The following POLK variants were observed in gnomAD, a reference collection of about 807,000 sequenced individuals.
POLK encodes the protein DNA polymerase kappa, also known as polymerase (DNA directed) kappa.
Under a neutral mutation model 94.0 loss-of-function variants are expected in POLK, and 76 were observed. The ratio of observed to expected loss-of-function variants is 0.81; its 90% CI spans 0.67 to 0.98. The LOEUF (loss-of-function observed/expected upper bound fraction) is 0.98, where lower values mean the gene tolerates loss of function less well. Among genes scored for constraint, POLK ranks in the 50% least tolerant of loss-of-function variants. POLK has a pLI of 0.00. For missense variants in POLK, 954 were observed against 1,010.1 expected (o/e 0.94, Z 0.75); for synonymous variants, 349 against 325.4 (o/e 1.07, Z -0.78).
chr5:75,542,737 G>A (rs111883231), intron 1 of POLK, among the ~76,000 whole-genome samples: 7 of 146,474 alleles, frequency 4.8e-5, no homozygotes, highest in Non-Finnish European at 7.5e-5. Context: ...TTACTCTGTC[G>A]CCCAGGCTGC....
chr5:75,546,016 G>C (rs1354155655), intron 1 of POLK, among the ~76,000 whole-genome samples: 1 of 152,126 alleles, frequency 6.6e-6, no homozygotes, highest in East Asian at 1.9e-4. Context: ...TTCTCTCCAA[G>C]AATATCATAA....
At chr5:75,511,144 G>A (rs559860588), upstream of POLK, 15 of 1,607,956 alleles carry the variant, frequency 9.3e-6, no homozygotes, top group Admixed American at 2.4e-4. Flanking sequence ...TCCACAGGCG[G>A]CCCAGACTCC....
At chr5:75,603,928 C>T (rs1315426391), downstream of POLK, among the ~76,000 whole-genome samples, 1 of 152,162 alleles carries the variant, frequency 6.6e-6, no homozygotes, top group African/African-American at 2.4e-5. Flanking sequence ...TTGCATGGCC[C>T]CCGATGTTGG....
rs151092208 is a variant in POLK, at chr5:75,543,320, A to T, written c.-13-3690A>T. The stretch of plus-strand genomic sequence containing the variant: ...CTCCCAAAGTGCTGGGATTGTAGGC[A>T]TGAGTCACTGCTCCCAGCTGTGCCT... On this transcript the variant is annotated intron_variant, in intron 1 of 14. Transcript: ENST00000241436. 1.4e-4 allele frequency among the ~76,000 whole-genome samples: 21 copies of T among 152,294 alleles called. No individual in the cohort carries two copies. The East Asian group carries it at 4.1e-3, about 29-fold the overall frequency.
At chr5:75,533,547 GGGT>G (rs758169043) in intron 1 of POLK, among the ~76,000 whole-genome samples, 4 of 152,122 alleles carry the variant, frequency 2.6e-5, no homozygotes, top group Non-Finnish European at 4.4e-5. Context: ...TTTTTGCTTA[GGGT>G]TACCTTGGCT....
chr5:75,546,664 TTTTG>T (rs1458462408), intron 1 of POLK, among the ~76,000 whole-genome samples: 1 of 123,058 alleles, frequency 8.1e-6, no homozygotes, highest in Non-Finnish European at 1.6e-5. Context: ...TTTTTCTGGT[TTTTG>T]TTTGTTTGTG....
chr5:75,524,916 C>G (rs1453270944), intron 1 of POLK, among the ~76,000 whole-genome samples: 1 of 152,242 alleles, frequency 6.6e-6, no homozygotes, highest in African/African-American at 2.4e-5. Context: ...TCACCTGACT[C>G]TCTGACTTGC....
intron 5 of POLK, among the ~76,000 whole-genome samples, chr5:75,574,162 A>AT (rs1771744562): frequency 6.6e-6 from 1 of 152,060 alleles, no homozygotes; most frequent in Admixed American, 6.6e-5. Context: ...AAATTTAGCT[A>AT]TTTTTTCTTA....
At chr5:75,578,113 A>G (rs146893851) in intron 6 of POLK, among the ~76,000 whole-genome samples, 8 of 152,242 alleles carry the variant, frequency 5.3e-5, no homozygotes, top group African/African-American at 1.9e-4. Context: ...TGTGTTTTAA[A>G]AGCTTTACAT....
At chr5:75,552,488 G>C in exon 3 of POLK, 1 of 1,611,102 alleles carries the variant, frequency 6.2e-7, no homozygotes, top group Non-Finnish European at 8.5e-7. Flanking sequence ...AGATTTTATG[G>C]AAATGAGCTC....
intron 3 of POLK, among the ~76,000 whole-genome samples, chr5:75,563,388 C>CT (rs1382399414): frequency 6.6e-6 from 1 of 151,366 alleles, no homozygotes; most frequent in Non-Finnish European, 1.5e-5. Flanking sequence ...TTTCGTGTCT[C>CT]TATCTCCTTC....
chr5:75,552,714 A>G, intron 3 of POLK, 123 bp downstream of exon 3: 1 of 1,008,038 alleles, frequency 9.9e-7, no homozygotes, highest in Non-Finnish European at 1.5e-6. Flanking sequence ...TGTAAAGCAT[A>G]CATATTCAGC....
intron 4 of POLK, among the ~76,000 whole-genome samples, chr5:75,569,830 A>G (rs992678551): frequency 6.6e-5 from 10 of 152,160 alleles, no homozygotes; most frequent in African/African-American, 2.4e-4. Flanking sequence ...TTGTGGCATT[A>G]GATTCTCATA....
At chr5:75,607,700 C>G in the POLK span, among the ~76,000 whole-genome samples, 2 of 152,146 alleles carry the variant, frequency 1.3e-5, no homozygotes, top group Non-Finnish European at 2.9e-5. Flanking sequence ...CATATCAGCA[C>G]TGGCCTGCAC....
upstream of POLK, chr5:75,511,358 C>CCCGCCGCGCCG (rs1016443351): frequency 1.9e-5 from 29 of 1,545,100 alleles, no homozygotes; most frequent in Non-Finnish European, 2.2e-5. Flanking sequence ...ACGAAGTCCG[C>CCCGCCGCGCCG]CCGCCGCGCC....
At chr5:75,562,769 A>G (rs2112720775) in intron 3 of POLK, among the ~76,000 whole-genome samples, 1 of 152,320 alleles carries the variant, frequency 6.6e-6, no homozygotes, top group African/African-American at 2.4e-5. Flanking sequence ...TGAGATAATC[A>G]TGTAGTTTTT....
intron 1 of POLK, among the ~76,000 whole-genome samples, chr5:75,538,917 T>C (rs1769594359): frequency 6.6e-6 from 1 of 152,204 alleles, no homozygotes; most frequent in South Asian, 2.1e-4. Context: ...ATTACAGGCA[T>C]GTGCCACCAT....
chr5:75,541,922 T>C (rs1769762202), intron 1 of POLK, among the ~76,000 whole-genome samples: 1 of 152,208 alleles, frequency 6.6e-6, no homozygotes, highest in African/African-American at 2.4e-5. Context: ...TTTTTTATTT[T>C]CTTGAAATTT....
chr5:75,576,933 G>A (rs745881670), exon 6 of POLK: 2 of 1,533,200 alleles, frequency 1.3e-6, no homozygotes, highest in African/African-American at 1.4e-5. Flanking sequence ...TGTAGAAAAT[G>A]GTAAGCAACT....
Sources: allele counts gnomAD v4.1 joint callset (sites outside exome capture counted in the v4.1 genomes callset), GRCh38; gene constraint gnomAD v4.1.1; transcripts MANE v1.5; gene names NCBI Gene and HGNC (gene_info 2026-07-23, HGNC 2026-07-21).